USP3: variants seen among roughly 807,000 people sequenced by gnomAD.
USP3 encodes ubiquitin specific peptidase 3, also known as ubiquitin carboxyl-terminal hydrolase 3.
USP3 carries 20 observed loss-of-function variants against 72.3 expected under a neutral mutation model. The ratio of observed to expected loss-of-function variants is 0.28; its 90% CI spans 0.19 to 0.40. The LOEUF (loss-of-function observed/expected upper bound fraction) is 0.40, where lower values mean the gene tolerates loss of function less well. USP3 is among the 10% of genes least tolerant of loss of function. The pLI is 1.00. For synonymous variants in USP3, 222 were observed against 225.3 expected (o/e 0.99, Z 0.13); for missense variants, 479 against 633.9 (o/e 0.76, Z 2.62).
At chr15:63,552,819 G>T (rs1480833657) in intron 3 of USP3, among the ~76,000 whole-genome samples, 1 of 151,866 alleles carries the variant, frequency 6.6e-6, no homozygotes, top group African/African-American at 2.4e-5. Flanking sequence ...ACTAACTGCT[G>T]TGCTTTCAAA....
chr15:63,586,947 GTC>G (rs765883003), intron 11 of USP3, among the ~76,000 whole-genome samples: 12 of 152,270 alleles, frequency 7.9e-5, no homozygotes, highest in East Asian at 5.8e-4. Context: ...ATTCAAGACT[GTC>G]TAGTCCTCTG....
At position 63,553,580 on chromosome 15, in the gene USP3, T is replaced by G; in HGVS notation, c.285-135T>G. On this transcript the variant is annotated intron_variant, in intron 3 of 14. Transcript: ENST00000380324. The surrounding 1 kb of genome is among the most constrained non-coding windows in gnomAD (Gnocchi z 4.2). ...ACATTCCATTGTGAATTCCAGGTCCTCTTTAAACTTACCACCAGCAGTAAC... is the reference window on the plus strand; with the variant it reads ...ACATTCCATTGTGAATTCCAGGTCCGCTTTAAACTTACCACCAGCAGTAAC... 1 of 625,074 alleles carries G rather than the reference T, an allele frequency of 1.6e-6. No individual in the cohort carries two copies. Among genetic ancestry groups the G allele is most frequent in the Non-Finnish European group, 2.5e-6 (1 of 402,558 alleles). The allele number at this position is 625,074 out of a possible 1,614,324, so 38.7% of individuals were successfully genotyped here. A position where few individuals can be genotyped will look rare whatever the true frequency, so the allele number is the denominator to read the frequency against.
chr15:63,513,517 C>A (rs2065816019), intron 1 of USP3, among the ~76,000 whole-genome samples: 2 of 151,998 alleles, frequency 1.3e-5, no homozygotes, highest in South Asian at 4.1e-4. Flanking sequence ...GTAGCTGGGA[C>A]TCCAGGCATG....
At chr15:63,506,196 C>T (rs1164994965) in intron 1 of USP3, among the ~76,000 whole-genome samples, 1 of 152,162 alleles carries the variant, frequency 6.6e-6, no homozygotes. Context: ...GATGCAGAAA[C>T]TTGTGTAAAT....
chr15:63,508,751 G>A (rs2065746141), intron 1 of USP3, among the ~76,000 whole-genome samples: 3 of 152,140 alleles, frequency 2.0e-5, no homozygotes, highest in African/African-American at 7.2e-5. Context: ...GAAAGCCAAG[G>A]ACCAAGCATT....
In USP3 at chr15:63,520,554, A is replaced by ATTTTTTTTTTTTTTTTTTTTTT. The variant is rs35244583; in HGVS notation, c.92-12087_92-12066dup. 1.7e-4 allele frequency among the ~76,000 whole-genome samples: 18 copies of ATTTTTTTTTTTTTTTTTTTTTT among 105,424 alleles called. 9 individuals are homozygous for ATTTTTTTTTTTTTTTTTTTTTT. Among genetic ancestry groups the ATTTTTTTTTTTTTTTTTTTTTT allele is most frequent in the African/African-American group, 2.3e-4 (6 of 26,548 alleles). The allele number at this position is 105,424 out of a possible 152,430, so 69.2% of individuals were successfully genotyped here. Reference sequence around the variant, plus strand: ...TTTGTTTGTTTGATTTCTGTTTTAGATTTTTTTTTTTTTTTTTTTTTTTTT... The same window carrying ATTTTTTTTTTTTTTTTTTTTTT: ...TTTGTTTGTTTGATTTCTGTTTTAGATTTTTTTTTTTTTTTTTTTTTTTTTTTTTTTTTTTTTTTTTTTTTTT... On this transcript the variant is annotated intron_variant, in intron 1 of 14. Transcript: ENST00000380324.
chr15:63,590,169 A>C (rs2067164387), intron 14 of USP3, among the ~76,000 whole-genome samples: 1 of 152,102 alleles, frequency 6.6e-6, no homozygotes, highest in African/African-American at 2.4e-5. Flanking sequence ...ATGGATCTTT[A>C]TTATTTAAAT....
chr15:63,574,788 T>C lies in USP3; in HGVS notation c.1096+385T>C, dbSNP rs912483990. Among the ~76,000 whole-genome samples, 2 of 152,228 alleles carry C rather than the reference T, an allele frequency of 1.3e-5. No individual in the cohort carries two copies. Among genetic ancestry groups the C allele is most frequent in the African/African-American group, 2.4e-5 (1 of 41,454 alleles). ...TAGTATTACGTATTCTGTTGCCTAA[T>C]AGTTTGAGAAATCTATGGATGATAC... is the stretch of plus-strand genomic sequence containing the variant. On this transcript the variant is annotated intron_variant, in intron 11 of 14. Transcript: ENST00000380324. This position sits in a 1 kb window ranked among gnomAD's most constrained non-coding sequence, Gnocchi z 4.6.
Position 63,591,153 on chromosome 15 carries a change from C to CT in USP3, c.*331dup, listed in dbSNP as rs1396052029. The stretch of plus-strand genomic sequence containing the variant: ...ACTTTGAGGCACATTTACATCAATG[C>CT]TTTTGTTCCTCTCACATGCTGAAAG... On this transcript the variant is annotated 3_prime_UTR_variant, in exon 15 of 15. Transcript: ENST00000380324. 1 of 220,362 alleles carries CT rather than the reference C, an allele frequency of 4.5e-6. No individual in the cohort carries two copies. Among genetic ancestry groups the CT allele is most frequent in the East Asian group, 1.3e-4 (1 of 7,904 alleles). 13.7% of individuals were successfully genotyped at this position (220,362 alleles called of 1,614,324 possible).
chr15:63,548,531 T>C (rs772930177), intron 3 of USP3, among the ~76,000 whole-genome samples: 11 of 152,130 alleles, frequency 7.2e-5, no homozygotes, highest in Non-Finnish European at 1.3e-4. Context: ...TTTCACCATG[T>C]TGGTCAGGCT....
intron 14 of USP3, among the ~76,000 whole-genome samples, chr15:63,589,959 ATCTTTTTGAAACT>A (rs2067158654): frequency 8.2e-6 from 1 of 121,408 alleles, no homozygotes; most frequent in Admixed American, 9.4e-5. Context: ...TGATTGCACT[ATCTTTTTGAAACT>A]ATTAGCACTA....
chr15:63,581,514 C>CT (rs1448021143), intron 11 of USP3, among the ~76,000 whole-genome samples: 6 of 148,402 alleles, frequency 4.0e-5, no homozygotes, highest in Admixed American at 2.7e-4. Flanking sequence ...TCCTGAGTAG[C>CT]TGGGACTACA....
chr15:63,567,206 G>A (rs1595756292), intron 8 of USP3, among the ~76,000 whole-genome samples: 2 of 152,056 alleles, frequency 1.3e-5, no homozygotes, highest in Non-Finnish European at 2.9e-5. Flanking sequence ...GATTTTTTTC[G>A]AGACAGTCTC....
At chr15:63,514,159 C>T (rs1036434842) in intron 1 of USP3, among the ~76,000 whole-genome samples, 6 of 152,012 alleles carry the variant, frequency 3.9e-5, no homozygotes, top group Non-Finnish European at 7.4e-5. Flanking sequence ...AGCTTAAATG[C>T]GTTAGTTTCA....
chr15:63,573,548 C>T (rs1467721740), intron 9 of USP3, among the ~76,000 whole-genome samples: 1 of 152,162 alleles, frequency 6.6e-6, no homozygotes, highest in East Asian at 1.9e-4. Context: ...TATTAAATTC[C>T]TTTACTTCCT....
intron 1 of USP3, among the ~76,000 whole-genome samples, chr15:63,519,555 T>C (rs1360122940): frequency 6.6e-6 from 1 of 152,220 alleles, no homozygotes; most frequent in Non-Finnish European, 1.5e-5. Context: ...TAACTTTGAT[T>C]ACTTTATTAA....
chr15:63,590,570 T>C, intron 14 of USP3, 91 bp from the exon 15 acceptor site: 1 of 1,224,066 alleles, frequency 8.2e-7, no homozygotes, highest in South Asian at 2.2e-5. Context: ...GGATGTATTC[T>C]TATTAAAATT....
In USP3 at chr15:63,588,172, A is replaced by G. The variant is rs2067113647; in HGVS notation, c.1097-133A>G. 2.4e-5 allele frequency: 15 copies of G among 619,106 alleles called. No homozygotes were observed. The highest frequency in any genetic ancestry group is 2.4e-4 in the Admixed American group (7 of 29,166). 38.4% of individuals were successfully genotyped at this position (619,106 alleles called of 1,614,324 possible). ...TATTATTTTTTGTCTCCAGTTTGCAATTGAGAAAGGTTAACTTTTCTAAGG... is the reference window on the plus strand; with the variant it reads ...TATTATTTTTTGTCTCCAGTTTGCAGTTGAGAAAGGTTAACTTTTCTAAGG... On this transcript the variant is annotated intron_variant, in intron 11 of 14. Coordinates refer to ENST00000380324, the MANE Select transcript of USP3 (RefSeq NM_006537.4). This position sits in a 1 kb window ranked among gnomAD's most constrained non-coding sequence, Gnocchi z 4.6.
chr15:63,583,994 G>A (rs186664391), intron 11 of USP3, among the ~76,000 whole-genome samples: 3 of 151,594 alleles, frequency 2.0e-5, no homozygotes, highest in Non-Finnish European at 2.9e-5. Flanking sequence ...GAGTGGAATC[G>A]CTGAATCATA....
Sources: allele counts gnomAD v4.1 joint callset (sites outside exome capture counted in the v4.1 genomes callset), GRCh38; gene constraint gnomAD v4.1.1; non-coding constraint Gnocchi (gnomAD v3.1); transcripts MANE v1.5; gene names NCBI Gene and HGNC (gene_info 2026-07-23, HGNC 2026-07-21).